The following LTBP2 variants were observed in gnomAD, a reference collection of about 807,000 sequenced individuals.
LTBP2 encodes the protein latent-transforming growth factor beta-binding protein 2.
Under a neutral mutation model 210.6 loss-of-function variants are expected in LTBP2, and 103 were observed. That is an observed-to-expected ratio of 0.49 (90% CI 0.42 to 0.58). The LOEUF (loss-of-function observed/expected upper bound fraction) is 0.58. LTBP2 is among the 20% of genes least tolerant of loss of function. LTBP2 has a pLI of 0.00. For synonymous variants in LTBP2, 1,007 were observed against 1,015.0 expected (o/e 0.99, Z 0.15); for missense variants, 2,313 against 2,494.5 (o/e 0.93, Z 1.55).
intron 2 of LTBP2, among the ~76,000 whole-genome samples, chr14:74,587,897 C>A (rs1162388352): frequency 6.6e-6 from 1 of 152,212 alleles, no homozygotes; most frequent in Admixed American, 6.5e-5. Context: ...CATAGACGAG[C>A]GCTGAAGACC....
At position 74,552,170 on chromosome 14, in the gene LTBP2, G is replaced by A; in HGVS notation, c.1399+17C>T. 6.5e-7 allele frequency: 1 copy of A among 1,550,272 alleles called. No individual in the cohort carries two copies. The highest frequency in any genetic ancestry group is 8.7e-7 in the Non-Finnish European group (1 of 1,147,820). On this transcript the variant is annotated intron_variant, in intron 6 of 35. Coordinates refer to ENST00000261978, the MANE Select transcript of LTBP2 (RefSeq NM_000428.3). ...CTCCTCCCAGGGTCCCGCCGGCCCA[G>A]CTGTGCCGGCACTCACCCAGCTGGT...
chr14:74,503,034 G>T, intron 33 of LTBP2, 100 bp from the exon 34 acceptor site: 2 of 1,525,096 alleles, frequency 1.3e-6, no homozygotes, highest in East Asian at 2.3e-5. Flanking sequence ...GGTACCCTCT[G>T]GGAGATCCTG....
intron 4 of LTBP2, among the ~76,000 whole-genome samples, chr14:74,554,173 C>A (rs1595272360): frequency 1.3e-5 from 2 of 152,236 alleles, no homozygotes; most frequent in East Asian, 3.9e-4. Context: ...GAATGAAGCA[C>A]TGATACACAC....
chr14:74,566,054 G>A (rs1046216242), intron 3 of LTBP2, among the ~76,000 whole-genome samples: 4 of 151,364 alleles, frequency 2.6e-5, no homozygotes, highest in Non-Finnish European at 5.9e-5. Flanking sequence ...GGACACGTGC[G>A]TGTGCCTATA....
intron 15 of LTBP2, among the ~76,000 whole-genome samples, chr14:74,524,604 C>G (rs1364700420): frequency 6.6e-6 from 1 of 152,182 alleles, no homozygotes; most frequent in East Asian, 1.9e-4. Context: ...GGATCGCCCC[C>G]ACACCCGCCC....
At chr14:74,535,790 C>A in intron 9 of LTBP2, 136 bp downstream of exon 9, 2 of 787,196 alleles carry the variant, frequency 2.5e-6, no homozygotes, top group Non-Finnish European at 4.3e-6. Context: ...AATCAGCAGC[C>A]CCCCACCACT....
chr14:74,552,575 A>G (rs1434143216), intron 5 of LTBP2, among the ~76,000 whole-genome samples, 182 bp from the exon 6 acceptor site: 1 of 152,186 alleles, frequency 6.6e-6, no homozygotes, highest in Non-Finnish European at 1.5e-5. Context: ...AGAGTGGATA[A>G]TAACCAGCCC....
chr14:74,542,145 A>G (rs1307783516), intron 8 of LTBP2, among the ~76,000 whole-genome samples: 1 of 152,224 alleles, frequency 6.6e-6, no homozygotes, highest in Non-Finnish European at 1.5e-5. Context: ...ACAAATGCCC[A>G]TGAAGCATGC....
chr14:74,503,614 G>A lies in LTBP2; in HGVS notation c.4583-8C>T, dbSNP rs1164264916. On this transcript the variant is annotated splice_polypyrimidine_tract_variant and splice_region_variant and intron_variant, in intron 31 of 35. Coordinates refer to ENST00000261978, the MANE Select transcript of LTBP2 (RefSeq NM_000428.3). Reference sequence around the variant, plus strand: ...CCTGGCACTCATCGTGATCTGGGGAGGCAGGAAAGGGTGGGGCATTGCCAA... The same window carrying A: ...CCTGGCACTCATCGTGATCTGGGGAAGCAGGAAAGGGTGGGGCATTGCCAA... The A allele has an allele frequency of 1.9e-6, 3 of 1,613,156 alleles. No individual in the cohort carries two copies. In the African/African-American group the frequency reaches 4.0e-5, roughly 22 times the overall value.
rs548795935 is a variant in LTBP2 at position 74,503,116 on chromosome 14, TTGCTC to T, written c.4888+98_4888+102del. 6.2e-5 allele frequency: 96 copies of T among 1,550,440 alleles called. No homozygotes were observed. The East Asian group carries it at 2.0e-3, about 32-fold the overall frequency. ...ACAGCAGGGATGGAAGACAGGGCCT[TTGCTC>T]TGCTCCTTCTTTCTAGATCCCCAGT... On this transcript the variant is annotated intron_variant, in intron 33 of 35. Transcript: ENST00000261978.
chr14:74,502,769 G>T lies in LTBP2; in HGVS notation c.5054C>A (p.Thr1685Asn). The T allele has an allele frequency of 6.2e-7, 1 of 1,614,204 alleles. No individual in the cohort carries two copies. Among genetic ancestry groups the T allele is most frequent in the Admixed American group, 1.7e-5 (1 of 60,034 alleles). ...GTTGGGGAAGGCAGGCTCAGGGACGGTGTCCTCGGGGCCCAGGTAGTTGTA... is the reference window on the plus strand; with the variant it reads ...GTTGGGGAAGGCAGGCTCAGGGACGTTGTCCTCGGGGCCCAGGTAGTTGTA... ...PFYNYLGPED[T>N]VPEPAFPNTA... The change falls in exon 34 of 36, where the codon ACC becomes AAC. Residue 1685 changes from threonine to asparagine, a missense_variant. Thr to Asn is a moderately conservative substitution (Grantham distance 65). Around this residue, in one of 3 missense-constraint regions of LTBP2, gnomAD observed 443 missense variants for 501.4 expected, o/e 0.88. Transcript: ENST00000261978.
At chr14:74,511,399 G>T in intron 18 of LTBP2, 35 bp from the exon 19 acceptor site, 1 of 1,613,426 alleles carries the variant, frequency 6.2e-7, no homozygotes, top group South Asian at 1.1e-5. Context: ...GGTCATCCCT[G>T]GGAACATAGC....
At chr14:74,580,952 C>G (rs76682343) in intron 3 of LTBP2, among the ~76,000 whole-genome samples, 9,172 of 150,492 alleles carry the variant, frequency 0.061, 342 homozygotes, top group East Asian at 0.099. Flanking sequence ...GACCCTGTCT[C>G]AAAAAAAAAT....
chr14:74,523,584 C>G (rs942443085), intron 15 of LTBP2, among the ~76,000 whole-genome samples: 2 of 151,992 alleles, frequency 1.3e-5, no homozygotes, highest in African/African-American at 4.8e-5. Context: ...AGTGGGGAGA[C>G]AGGTACAGAA....
At chr14:74,530,451 A>G (rs1403008180) in intron 10 of LTBP2, among the ~76,000 whole-genome samples, 2 of 152,202 alleles carry the variant, frequency 1.3e-5, no homozygotes, top group African/African-American at 4.8e-5. Flanking sequence ...CCCTGCAGAC[A>G]CTGTGGCTGC....
Position 74,549,960 on chromosome 14 carries a change from G to C in LTBP2, c.1692C>G (p.Ala564=), listed in dbSNP as rs760482213. Residue 564 remains alanine, a synonymous_variant, in exon 8 of 36, where the codon GCC becomes GCG. Coordinates refer to ENST00000261978, the MANE Select transcript of LTBP2 (RefSeq NM_000428.3). ...GGGTAGTCAGCTCCAGCAGAGGGTT[G>C]GCACACTGGAAGGAGAGGCCATGGA... ...CYLNTVNGQC[A]NPLLELTTQE... 2.5e-6 allele frequency: 4 copies of C among 1,611,094 alleles called. No individual in the cohort carries two copies. The highest frequency in any genetic ancestry group is 3.4e-6 in the Non-Finnish European group (4 of 1,177,404).
intron 17 of LTBP2, 114 bp downstream of exon 17, chr14:74,521,797 A>G: frequency 7.1e-7 from 1 of 1,409,726 alleles, no homozygotes; most frequent in Non-Finnish European, 1.0e-6. Flanking sequence ...TCACTCCTTC[A>G]GCTGCCCACT....
chr14:74,510,622 G>A (rs541413854), intron 19 of LTBP2, among the ~76,000 whole-genome samples: 12 of 152,370 alleles, frequency 7.9e-5, no homozygotes, highest in South Asian at 4.1e-4. Flanking sequence ...CAGCTTCTGC[G>A]GGTGGGCGGG....
chr14:74,588,945 T>C (rs1468254636), intron 2 of LTBP2, among the ~76,000 whole-genome samples: 1 of 152,180 alleles, frequency 6.6e-6, no homozygotes, highest in Non-Finnish European at 1.5e-5. Flanking sequence ...TGGTTCTTCT[T>C]CTTCCTCTCT....
Sources: allele counts gnomAD v4.1 joint callset (sites outside exome capture counted in the v4.1 genomes callset), GRCh38; gene constraint gnomAD v4.1.1; regional missense constraint gnomAD v4.1.1; transcripts MANE v1.5; gene names NCBI Gene and HGNC (gene_info 2026-07-23, HGNC 2026-07-21).